Variants in SMURF1 observed in about 807,000 individuals in gnomAD.
The protein encoded by SMURF1 is SMAD specific E3 ubiquitin protein ligase 1, also known as E3 ubiquitin-protein ligase SMURF1.
SMURF1 carries 44 observed loss-of-function variants against 98.0 expected under a neutral mutation model. That is an observed-to-expected ratio of 0.45 (90% confidence interval 0.35 to 0.58). SMURF1 has a LOEUF of 0.58. Among genes scored for constraint, SMURF1 ranks in the 20% least tolerant of loss-of-function variants. The pLI, the probability that SMURF1 is intolerant of heterozygous loss-of-function variation, is 0.00. For synonymous variants in SMURF1, 396 were observed against 374.9 expected (o/e 1.06, Z -0.65); for missense variants, 687 against 938.4 (o/e 0.73, Z 3.50).
intron 1 of SMURF1, among the ~76,000 whole-genome samples, chr7:99,110,392 G>A (rs1310247105): frequency 1.3e-5 from 2 of 152,180 alleles, no homozygotes; most frequent in Admixed American, 6.5e-5. Context: ...ACACAATCCT[G>A]TGAAAATATT....
Position 99,130,668 on chromosome 7 carries a change from G to T in SMURF1, c.55+13058C>A, listed in dbSNP as rs140090398. ...TTTTTCAGAAGTGCATTAAATGGTA[G>T]CTGTACCTTCCTTTTACTCAGCATA... On this transcript the variant is annotated intron_variant, in intron 1 of 17. Coordinates refer to ENST00000361368, the MANE Select transcript of SMURF1 (RefSeq NM_181349.3). 4.1e-3 allele frequency among the ~76,000 whole-genome samples: 617 copies of T among 152,246 alleles called. 5 individuals are homozygous for T. The highest frequency in any genetic ancestry group is 0.014 in the African/African-American group (585 of 41,536).
Position 99,142,501 on chromosome 7 carries a change from T to C in SMURF1, c.55+1225A>G, listed in dbSNP as rs987242281. On this transcript the variant is annotated intron_variant, in intron 1 of 17. Coordinates refer to ENST00000361368, the MANE Select transcript of SMURF1 (RefSeq NM_181349.3). The stretch of plus-strand genomic sequence containing the variant: ...GACTGGGAGCAGCTACAAGATAGGA[T>C]TGAGGAATTTCAGGCTGAAGGAAAG... 6.8e-5 allele frequency among the ~76,000 whole-genome samples: 10 copies of C among 147,278 alleles called. No individual in the cohort carries two copies. The East Asian group carries it at 1.6e-3, about 24-fold the overall frequency.
rs761392613 is a variant in SMURF1, at chr7:99,042,110, A to G, written c.1371+8T>C. On this transcript the variant is annotated splice_region_variant and intron_variant, in intron 12 of 17. Transcript: ENST00000361368. Reference sequence around the variant, plus strand: ...CAATTCCCTACCTCTTTGTTCATTCATACTTACGGGGTTGATTGAAGAATC... The same window carrying G: ...CAATTCCCTACCTCTTTGTTCATTCGTACTTACGGGGTTGATTGAAGAATC... 2.5e-6 allele frequency: 4 copies of G among 1,603,686 alleles called. No homozygotes were observed. Among genetic ancestry groups the G allele is most frequent in the Non-Finnish European group, 3.4e-6 (4 of 1,171,022 alleles).
chr7:99,078,137 T>G (rs972231431), intron 1 of SMURF1, among the ~76,000 whole-genome samples: 11 of 152,022 alleles, frequency 7.2e-5, no homozygotes, highest in African/African-American at 2.7e-4. Flanking sequence ...CCGTCTCTAC[T>G]AGAAATACAA....
Position 99,047,681 on chromosome 7 carries a change from T to G in SMURF1, c.1152+3A>C. ...GTCTGGGCAGTGGCCCTGAACTCTCTACCTCAAAGATTTCTTCTCTGGACA... is the reference window on the plus strand; with the variant it reads ...GTCTGGGCAGTGGCCCTGAACTCTCGACCTCAAAGATTTCTTCTCTGGACA... On this transcript the variant is annotated splice_donor_region_variant and intron_variant, in intron 10 of 17. Transcript: ENST00000361368. 6.2e-7 allele frequency: 1 copy of G among 1,614,200 alleles called. No individual in the cohort carries two copies. Among genetic ancestry groups the G allele is most frequent in the Non-Finnish European group, 8.5e-7 (1 of 1,180,016 alleles).
chr7:99,130,857 C>T (rs1458842895), intron 1 of SMURF1, among the ~76,000 whole-genome samples: 1 of 152,138 alleles, frequency 6.6e-6, no homozygotes, highest in Non-Finnish European at 1.5e-5. Context: ...CCTAATTGTC[C>T]AACGAGCACA....
intron 3 of SMURF1, among the ~76,000 whole-genome samples, chr7:99,059,728 T>C (rs1288218494): frequency 6.6e-6 from 1 of 151,530 alleles, no homozygotes; most frequent in Non-Finnish European, 1.5e-5. Flanking sequence ...GCCAAGATGG[T>C]GAAACCCCGT....
intron 15 of SMURF1, among the ~76,000 whole-genome samples, chr7:99,036,722 GTAAGA>G (rs1273438553): frequency 1.3e-5 from 2 of 152,142 alleles, no homozygotes; most frequent in Admixed American, 1.3e-4. Flanking sequence ...ATAAAAAGCA[GTAAGA>G]TGCTCTTGTG....
At chr7:99,081,681 C>G (rs1796580021) in intron 1 of SMURF1, among the ~76,000 whole-genome samples, 1 of 152,094 alleles carries the variant, frequency 6.6e-6, no homozygotes. Flanking sequence ...TGGAGACAGT[C>G]TTGCTCTGTC....
Position 99,038,452 on chromosome 7 carries a change from G to A in SMURF1, c.1624C>T (p.His542Tyr), listed in dbSNP as rs146542045. Residue 542 changes from histidine (H) to tyrosine (Y), a missense_variant, in exon 14 of 18, where the codon CAT (histidine) becomes TAT (tyrosine). Transcript: ENST00000361368. The stretch of plus-strand genomic sequence containing the variant: ...TTTCTGCCATTGGGTTTCAGTTCAT[G>A]CTGCAGGATCCGCCCGAAGGCGTTG... ...EHNAFGRILQ[H>Y]ELKPNGRNVP... 2.5e-6 allele frequency: 4 copies of A among 1,614,122 alleles called. No individual in the cohort carries two copies. Among genetic ancestry groups the A allele is most frequent in the Non-Finnish European group, 2.5e-6 (3 of 1,180,054 alleles).
At chr7:99,108,788 T>C (rs965067268) in intron 1 of SMURF1, among the ~76,000 whole-genome samples, 2 of 151,926 alleles carry the variant, frequency 1.3e-5, no homozygotes, top group Non-Finnish European at 2.9e-5. Context: ...AGAAGTTTAG[T>C]AAGAAGGCTC....
chr7:99,138,180 T>C (rs879590681), intron 1 of SMURF1, among the ~76,000 whole-genome samples: 1 of 151,572 alleles, frequency 6.6e-6, no homozygotes, highest in Non-Finnish European at 1.5e-5. Flanking sequence ...TTATAAAAAA[T>C]TGATCCAAAT....
At chr7:99,081,645 G>T (rs1395794126) in intron 1 of SMURF1, among the ~76,000 whole-genome samples, 1 of 151,956 alleles carries the variant, frequency 6.6e-6, no homozygotes, top group African/African-American at 2.4e-5. Context: ...CGCTTATTAT[G>T]ATCTCACTTC....
intron 9 of SMURF1, chr7:99,048,486 A>G (rs1367227713): frequency 6.5e-6 from 1 of 155,006 alleles, no homozygotes; most frequent in Non-Finnish European, 1.4e-5. Context: ...TTATGCATCT[A>G]TTACGCACCC....
chr7:99,079,053 A>T (rs1796524832), intron 1 of SMURF1, among the ~76,000 whole-genome samples: 1 of 152,364 alleles, frequency 6.6e-6, no homozygotes, highest in South Asian at 2.1e-4. Context: ...TTGACAGATG[A>T]CACAGCCACC....
intron 17 of SMURF1, 105 bp from the exon 18 acceptor site, chr7:99,030,788 TG>T (rs1794847160): frequency 1.3e-5 from 7 of 530,990 alleles, no homozygotes; most frequent in Non-Finnish European, 1.0e-5. Flanking sequence ...GGGAGAGGAA[TG>T]GGGGGTGGGG....
intron 1 of SMURF1, among the ~76,000 whole-genome samples, chr7:99,129,097 T>G (rs1189301205): frequency 6.6e-6 from 1 of 152,186 alleles, no homozygotes; most frequent in Non-Finnish European, 1.5e-5. Context: ...TCCCAGGACT[T>G]CCAAGTCAGA....
rs1226417248 is a variant in SMURF1, at chr7:99,029,782, T to G, written c.*802A>C. ...TGACTGGTTGGCTCTAGGGCTGATT[T>G]TGGTCTGCTCTTTCCTACACTCCAT... On this transcript the variant is annotated 3_prime_UTR_variant, in exon 18 of 18. Coordinates refer to ENST00000361368, the MANE Select transcript of SMURF1 (RefSeq NM_181349.3). 1 of 152,108 alleles carries G rather than the reference T, an allele frequency of 6.6e-6. No homozygotes were observed. The allele number at this position is 152,108 out of a possible 1,614,324, so 9.4% of individuals were successfully genotyped here. A position where few individuals can be genotyped will look rare whatever the true frequency, so the allele number is the denominator to read the frequency against.
intron 6 of SMURF1, among the ~76,000 whole-genome samples, chr7:99,053,044 G>A (rs1052292765): frequency 2.0e-5 from 3 of 152,126 alleles, no homozygotes; most frequent in East Asian, 1.9e-4. Flanking sequence ...GTGACAGAGC[G>A]AGACTCCATC....
Sources: allele counts gnomAD v4.1 joint callset (sites outside exome capture counted in the v4.1 genomes callset), GRCh38; gene constraint gnomAD v4.1.1; transcripts MANE v1.5; gene names NCBI Gene and HGNC (gene_info 2026-07-23, HGNC 2026-07-21).